Variants in RPE observed in about 807,000 individuals in gnomAD.
RPE encodes the protein ribulose-5-phosphate-3-epimerase.
A neutral mutation model predicts 24.6 loss-of-function variants in RPE; 16 were observed. The observed-to-expected ratio is 0.65, with a 90% CI of 0.44 to 0.99. RPE has a LOEUF of 0.99. RPE is among the 50% of genes least tolerant of loss of function. The pLI is 0.00. For missense variants in RPE, 240 were observed against 294.5 expected, an observed-to-expected ratio of 0.81 and a Z score of 1.35; for synonymous variants, 93 against 98.4, an observed-to-expected ratio of 0.94 and a Z score of 0.33.
chr2:210,004,185 A>G (rs2093600216), intron 1 of RPE, among the ~76,000 whole-genome samples: 1 of 152,204 alleles, frequency 6.6e-6, no homozygotes, highest in South Asian at 2.1e-4. Flanking sequence ...AGCTATGTGT[A>G]TATTTGTGAG....
intron 1 of RPE, among the ~76,000 whole-genome samples, chr2:210,008,420 T>C (rs1466406875): frequency 2.7e-5 from 4 of 149,498 alleles, no homozygotes; most frequent in Non-Finnish European, 5.9e-5. Context: ...CTCAGCCTCC[T>C]GAGTATCTGG....
chr2:210,005,591 G>C (rs1191897209), intron 1 of RPE, among the ~76,000 whole-genome samples: 1 of 152,076 alleles, frequency 6.6e-6, no homozygotes, highest in Non-Finnish European at 1.5e-5. Flanking sequence ...ATTTAAAACT[G>C]GGACGATTTC....
chr2:210,005,136 A>G (rs2093612883), intron 1 of RPE, among the ~76,000 whole-genome samples: 2 of 152,236 alleles, frequency 1.3e-5, no homozygotes, highest in Admixed American at 6.5e-5. Context: ...CAGTGCCCCT[A>G]CGTGATGTGC....
rs78530595 is a variant in RPE, at chr2:210,003,496, C to T, written c.122+713C>T. On this transcript the variant is annotated intron_variant, in intron 1 of 5. Transcript: ENST00000359429. ...AAGTAATTTTTAAGCACCGTAGTTA[C>T]AGCACATAATATTGTTTGGAGTCAG... 1,885 of 1,266,092 alleles carry T rather than the reference C, an allele frequency of 1.5e-3. 19 individuals carry two copies. In the African/African-American group the frequency reaches 0.024, roughly 16 times the overall value. 78.4% of individuals were successfully genotyped at this position (1,266,092 alleles called of 1,614,324 possible). A position where few individuals can be genotyped will look rare whatever the true frequency, so the allele number is the denominator to read the frequency against.
At chr2:210,004,811 CT>C (rs2093608431) in intron 1 of RPE, among the ~76,000 whole-genome samples, 1 of 152,108 alleles carries the variant, frequency 6.6e-6, no homozygotes, top group African/African-American at 2.4e-5. Context: ...CTTTTGTCCC[CT>C]TGCAGCTCTA....
chr2:210,019,219 GTA>G (rs2093822750), intron 5 of RPE, among the ~76,000 whole-genome samples: 1 of 152,080 alleles, frequency 6.6e-6, no homozygotes, highest in Non-Finnish European at 1.5e-5. Flanking sequence ...TAATTTTGCC[GTA>G]GTTTATGGAT....
intron 1 of RPE, 66 bp downstream of exon 1, chr2:210,002,849 TG>T: frequency 6.2e-7 from 1 of 1,612,406 alleles, no homozygotes. Flanking sequence ...CTTTATTGAC[TG>T]CTTGTTGGAT....
At chr2:210,004,666 T>G (rs976439666) in intron 1 of RPE, among the ~76,000 whole-genome samples, 1 of 151,738 alleles carries the variant, frequency 6.6e-6, no homozygotes, top group South Asian at 2.1e-4. Context: ...CCCTATAAGC[T>G]TCCTGAAAGC....
chr2:210,005,935 T>A (rs1055657321), intron 1 of RPE, among the ~76,000 whole-genome samples: 1 of 152,228 alleles, frequency 6.6e-6, no homozygotes, highest in Non-Finnish European at 1.5e-5. Context: ...GCTTGATCTG[T>A]CTGCAGTAGA....
chr2:210,012,319 T>C (rs1033859610), intron 2 of RPE, among the ~76,000 whole-genome samples: 3 of 152,240 alleles, frequency 2.0e-5, no homozygotes, highest in Non-Finnish European at 4.4e-5. Context: ...TTTCTACTGA[T>C]GGTACAAAAA....
intron 1 of RPE, among the ~76,000 whole-genome samples, chr2:210,005,992 T>G (rs1331888052): frequency 1.3e-5 from 2 of 152,178 alleles, no homozygotes; most frequent in Non-Finnish European, 2.9e-5. Flanking sequence ...TGATGGAACA[T>G]GAGAGAGAAA....
At position 210,019,873 on chromosome 2, in the gene RPE, C is replaced by T. The variant is rs2093835607; in HGVS notation, c.*82C>T. 3.3e-6 allele frequency: 5 copies of T among 1,493,758 alleles called. No homozygotes were observed. In the East Asian group the frequency reaches 9.7e-5, roughly 29 times the overall value. 92.5% of individuals were successfully genotyped at this position (1,493,758 alleles called of 1,614,324 possible). On this transcript the variant is annotated 3_prime_UTR_variant, in exon 6 of 6. Coordinates refer to ENST00000359429, the MANE Select transcript of RPE (RefSeq NM_199229.3). ...GAATATTGACTACCAAATCACAATG[C>T]AATTGAAGCCGTACTGCTTTTTTGA...
chr2:210,017,919 AT>A (rs1559483293), intron 5 of RPE: 1 of 529,798 alleles, frequency 1.9e-6, no homozygotes, highest in Non-Finnish European at 3.3e-6. Context: ...TAATTTTTTT[AT>A]TTTTAGTAGA....
intron 1 of RPE, 136 bp downstream of exon 1, chr2:210,002,919 G>T: frequency 6.5e-7 from 1 of 1,536,304 alleles, no homozygotes; most frequent in South Asian, 1.2e-5. Context: ...GAAGGGGTGT[G>T]GGGTAGGAGC....
intron 1 of RPE, among the ~76,000 whole-genome samples, chr2:210,007,908 G>A (rs967576643): frequency 2.0e-5 from 3 of 152,286 alleles, no homozygotes; most frequent in Admixed American, 6.5e-5. Flanking sequence ...CTTCCATTCT[G>A]TAAGGGCTTT....
intron 1 of RPE, among the ~76,000 whole-genome samples, chr2:210,006,320 G>T (rs1044060162): frequency 6.6e-6 from 1 of 152,164 alleles, no homozygotes; most frequent in African/African-American, 2.4e-5. Flanking sequence ...TGCTCTCATG[G>T]TTACTGTTTG....
chr2:210,010,030 A>G (rs2093680286), intron 2 of RPE, among the ~76,000 whole-genome samples: 1 of 152,066 alleles, frequency 6.6e-6, no homozygotes, highest in East Asian at 1.9e-4. Flanking sequence ...CCTTTATCCA[A>G]TTATCTTATC....
intron 5 of RPE, 55 bp from the exon 6 acceptor site, chr2:210,019,614 T>A: frequency 6.3e-7 from 1 of 1,589,402 alleles, no homozygotes; most frequent in Non-Finnish European, 8.6e-7. Flanking sequence ...GAATTCTGTT[T>A]TAGGTTTTTC....
chr2:210,011,703 C>T (rs1266273832), intron 2 of RPE, among the ~76,000 whole-genome samples: 2 of 152,098 alleles, frequency 1.3e-5, no homozygotes, highest in Non-Finnish European at 2.9e-5. Context: ...AGACAGACTC[C>T]GTCTATTACC....
Sources: allele counts gnomAD v4.1 joint callset (sites outside exome capture counted in the v4.1 genomes callset), GRCh38; gene constraint gnomAD v4.1.1; transcripts MANE v1.5; gene names NCBI Gene and HGNC (gene_info 2026-07-23, HGNC 2026-07-21).